Variants in FAM227B observed in about 807,000 individuals in gnomAD.
FAM227B encodes protein FAM227B.
A neutral mutation model predicts 73.8 loss-of-function variants in FAM227B; 88 were observed. The observed-to-expected ratio is 1.19, with a 90% CI of 1.00 to 1.42. The LOEUF is 1.42. Ranked by LOEUF, FAM227B falls within the 40% of genes most tolerant of loss-of-function variation. FAM227B has a pLI of 0.00. For missense variants in FAM227B, 632 were observed against 590.9 expected (o/e 1.07, Z -0.72); for synonymous variants, 210 against 190.5 (o/e 1.10, Z -0.84).
At chr15:49,522,565 G>A (rs958180487) in intron 10 of FAM227B, among the ~76,000 whole-genome samples, 1 of 151,954 alleles carries the variant, frequency 6.6e-6, no homozygotes, top group African/African-American at 2.4e-5. Flanking sequence ...GAATATGAAA[G>A]ATGAAATCGA....
Position 49,530,024 on chromosome 15 carries a change from T to C in FAM227B, c.874+11656A>G, listed in dbSNP as rs180693308. Among the ~76,000 whole-genome samples the C allele has an allele frequency of 1.9e-3, 287 of 151,930 alleles. 1 individual carries two copies. The highest frequency in any genetic ancestry group is 0.01 in the Middle Eastern group (3 of 294). On this transcript the variant is annotated intron_variant, in intron 10 of 15. Coordinates refer to ENST00000299338, the MANE Select transcript of FAM227B (RefSeq NM_152647.3). Reference sequence around the variant, plus strand: ...TTAATCATTTGCCCTTAAGTTTTTATATGTGGCTATCTTTGAAACCCTTTT... The same window carrying C: ...TTAATCATTTGCCCTTAAGTTTTTACATGTGGCTATCTTTGAAACCCTTTT...
At chr15:49,471,251 C>T (rs546714266) in intron 11 of FAM227B, among the ~76,000 whole-genome samples, 11 of 63,424 alleles carry the variant, frequency 1.7e-4, no homozygotes, top group Admixed American at 7.0e-4. Context: ...TTTGGGAGGC[C>T]GAGGTGGGTG....
chr15:49,443,668 A>G (rs1214629807), intron 11 of FAM227B, among the ~76,000 whole-genome samples: 2 of 151,786 alleles, frequency 1.3e-5, no homozygotes, highest in African/African-American at 4.8e-5. Flanking sequence ...TGAAGTTCCA[A>G]TATACATCTT....
intron 11 of FAM227B, among the ~76,000 whole-genome samples, chr15:49,456,753 T>C (rs1051785113): frequency 3.9e-5 from 6 of 151,986 alleles, no homozygotes; most frequent in Admixed American, 3.9e-4. Flanking sequence ...GAGTCTCACT[T>C]TGAAAGATGA....
chr15:49,585,191 A>G (rs1381933110), intron 5 of FAM227B, among the ~76,000 whole-genome samples: 1 of 152,118 alleles, frequency 6.6e-6, no homozygotes, highest in Non-Finnish European at 1.5e-5. Flanking sequence ...TCAGGAAACA[A>G]CAGGTGCTGG....
intron 5 of FAM227B, among the ~76,000 whole-genome samples, chr15:49,587,697 T>C (rs2076253164): frequency 6.6e-6 from 1 of 152,110 alleles, no homozygotes; most frequent in Non-Finnish European, 1.5e-5. Context: ...GAATTATTAA[T>C]TTTCTAAAAT....
intron 1 of FAM227B, 99 bp from the exon 2 acceptor site, chr15:49,615,342 A>G (rs1255490958): frequency 1.1e-5 from 7 of 641,254 alleles, no homozygotes; most frequent in Non-Finnish European, 2.0e-5. Context: ...TTACCAAGTC[A>G]GATAGTTTGG....
At position 49,328,055 on chromosome 15, in the gene FAM227B, C is replaced by T. The variant is rs767081825; in HGVS notation, c.*513G>A. The T allele has an allele frequency of 6.2e-7, 1 of 1,614,012 alleles. No homozygotes were observed. The highest frequency in any genetic ancestry group is 1.7e-5 in the Admixed American group (1 of 60,008). On this transcript the variant is annotated 3_prime_UTR_variant, in exon 16 of 16. Coordinates refer to ENST00000299338, the MANE Select transcript of FAM227B (RefSeq NM_152647.3). ...GCTGCCCAGCTTTCTAGCAAATGTGCACAAAGCTTATTACCAGAGGAGTGA... is the reference window on the plus strand; with the variant it reads ...GCTGCCCAGCTTTCTAGCAAATGTGTACAAAGCTTATTACCAGAGGAGTGA...
At chr15:49,545,896 G>A (rs1486250032) in intron 9 of FAM227B, among the ~76,000 whole-genome samples, 2 of 148,780 alleles carry the variant, frequency 1.3e-5, no homozygotes, top group African/African-American at 4.9e-5. Flanking sequence ...ATTGAGACTT[G>A]TTTTGTGGCC....
Position 49,371,301 on chromosome 15 carries a change from C to G in FAM227B, c.1110+1G>C. The G allele has an allele frequency of 6.4e-7, 1 of 1,558,424 alleles. No individual in the cohort carries two copies. The highest frequency in any genetic ancestry group is 2.3e-5 in the East Asian group (1 of 44,054). Reference sequence around the variant, plus strand: ...TTTTTCATAATTATTATACTCCAAACCTTTGTTGCTAGTCTTGATAATCTT... The same window carrying G: ...TTTTTCATAATTATTATACTCCAAAGCTTTGTTGCTAGTCTTGATAATCTT... On this transcript the variant is annotated splice_donor_variant, in intron 12 of 15. Coordinates refer to ENST00000299338, the MANE Select transcript of FAM227B (RefSeq NM_152647.3). LOFTEE classifies it high-confidence loss of function.
chr15:49,538,810 C>T (rs79320563), intron 10 of FAM227B, among the ~76,000 whole-genome samples: 289 of 151,974 alleles, frequency 1.9e-3, no homozygotes, highest in East Asian at 0.016. Context: ...TTTTAAATTC[C>T]TATTTCTTCA....
In FAM227B at chr15:49,328,084, A is replaced by G; in HGVS notation, c.*484T>C. On this transcript the variant is annotated 3_prime_UTR_variant, in exon 16 of 16. Coordinates refer to ENST00000299338, the MANE Select transcript of FAM227B (RefSeq NM_152647.3). ...AAGCTTATTACCAGAGGAGTGATGG[A>G]AGCTTAGCACCGGAGAAGCAAAGTT... The G allele has an allele frequency of 6.2e-7, 1 of 1,614,080 alleles. No individual in the cohort carries two copies. Among genetic ancestry groups the G allele is most frequent in the Non-Finnish European group, 8.5e-7 (1 of 1,179,992 alleles).
intron 9 of FAM227B, among the ~76,000 whole-genome samples, chr15:49,553,151 T>C (rs2073238537): frequency 6.6e-6 from 1 of 152,224 alleles, no homozygotes; most frequent in African/African-American, 2.4e-5. Flanking sequence ...TGTTGTGATA[T>C]AAGCTGTATC....
At chr15:49,429,436 C>T (rs918516380) in intron 11 of FAM227B, among the ~76,000 whole-genome samples, 3 of 151,948 alleles carry the variant, frequency 2.0e-5, no homozygotes, top group African/African-American at 4.8e-5. Context: ...TTCATTGCCA[C>T]GAGTGCATCT....
intron 11 of FAM227B, among the ~76,000 whole-genome samples, chr15:49,426,064 TGGA>T (rs1204955842): frequency 6.6e-6 from 1 of 151,488 alleles, no homozygotes; most frequent in Non-Finnish European, 1.5e-5. Context: ...AATAATATCA[TGGA>T]TAATAAAACC....
At chr15:49,568,174 A>G in intron 9 of FAM227B, 71 bp downstream of exon 9, 2 of 1,335,540 alleles carry the variant, frequency 1.5e-6, no homozygotes, top group Non-Finnish European at 2.1e-6. Context: ...ATGGGTTTAA[A>G]TAAAATAACG....
At chr15:49,598,828 T>G (rs187790417) in intron 3 of FAM227B, among the ~76,000 whole-genome samples, 3 of 152,072 alleles carry the variant, frequency 2.0e-5, no homozygotes, top group Non-Finnish European at 4.4e-5. Flanking sequence ...ATCCTTTTAA[T>G]GTACTGTTGA....
intron 10 of FAM227B, among the ~76,000 whole-genome samples, chr15:49,538,230 T>C (rs1178630990): frequency 6.6e-6 from 1 of 152,160 alleles, no homozygotes; most frequent in Non-Finnish European, 1.5e-5. Flanking sequence ...ATATGGATTT[T>C]CATCTGCCTC....
At chr15:49,373,427 T>C (rs1298421313) in intron 11 of FAM227B, among the ~76,000 whole-genome samples, 1 of 152,124 alleles carries the variant, frequency 6.6e-6, no homozygotes, top group Non-Finnish European at 1.5e-5. Flanking sequence ...CATTGATTAG[T>C]TTTAGGGAAA....
Sources: allele counts gnomAD v4.1 joint callset (sites outside exome capture counted in the v4.1 genomes callset), GRCh38; gene constraint gnomAD v4.1.1; transcripts MANE v1.5; gene names NCBI Gene and HGNC (gene_info 2026-07-23, HGNC 2026-07-21).